EIF4G3: variants seen among roughly 807,000 people sequenced by gnomAD.
The protein encoded by EIF4G3 is eukaryotic translation initiation factor 4 gamma 3.
Under a neutral mutation model 186.4 loss-of-function variants are expected in EIF4G3, and 34 were observed. The ratio of observed to expected loss-of-function variants is 0.18; its 90% CI spans 0.14 to 0.24. EIF4G3 has a LOEUF of 0.24. Among genes scored for constraint, EIF4G3 ranks in the 10% least tolerant of loss-of-function variants. The pLI is 1.00. For missense variants in EIF4G3, 1,536 were observed against 1,948.5 expected, an observed-to-expected ratio of 0.79 and a Z score of 3.99; for synonymous variants, 673 against 679.5, an observed-to-expected ratio of 0.99 and a Z score of 0.15.
Position 20,844,490 on chromosome 1 carries a change from T to C in EIF4G3, c.3889-3462A>G, listed in dbSNP as rs543866189. On this transcript the variant is annotated intron_variant, in intron 29 of 36. Transcript: ENST00000602326. ...TTCATGTCCTTTGTCTACTTTTTAGTGTGTGTTTTTTTTTTCTTGTAAATT... is the reference window on the plus strand; with the variant it reads ...TTCATGTCCTTTGTCTACTTTTTAGCGTGTGTTTTTTTTTTCTTGTAAATT... Among the ~76,000 whole-genome samples the C allele has an allele frequency of 3.9e-5, 6 of 152,222 alleles. No individual in the cohort carries two copies. The South Asian group carries it at 1.0e-3, about 26-fold the overall frequency.
At chr1:21,155,811 A>G (rs774636224) in intron 2 of EIF4G3, among the ~76,000 whole-genome samples, 5 of 152,190 alleles carry the variant, frequency 3.3e-5, no homozygotes, top group Non-Finnish European at 7.3e-5. Flanking sequence ...GCCCTTTAAG[A>G]ACTAATTTTA....
rs377351024 is a variant in EIF4G3 at position 21,121,546 on chromosome 1, G to A, written c.-271-32333C>T. ...TCCCAGCACTTTGGGAGGCCAAGGC[G>A]GGCAGATCACATGAGGTCAGGAGTT... On this transcript the variant is annotated intron_variant, in intron 2 of 36. Transcript: ENST00000602326. Among the ~76,000 whole-genome samples, 6 of 152,146 alleles carry A rather than the reference G, an allele frequency of 3.9e-5. No individual in the cohort carries two copies. In the South Asian group the frequency reaches 6.2e-4, roughly 16 times the overall value.
At chr1:20,989,791 T>C (rs945159687) in intron 7 of EIF4G3, among the ~76,000 whole-genome samples, 1 of 152,180 alleles carries the variant, frequency 6.6e-6, no homozygotes, top group Non-Finnish European at 1.5e-5. Context: ...GCAGCAGAGT[T>C]TGAGATTGAC....
chr1:20,832,149 G>GT (rs1449502552), intron 30 of EIF4G3, among the ~76,000 whole-genome samples: 13 of 146,192 alleles, frequency 8.9e-5, no homozygotes, highest in African/African-American at 2.0e-4. Context: ...GGGTCAAATG[G>GT]TATTTCCAGT....
intron 2 of EIF4G3, among the ~76,000 whole-genome samples, chr1:21,106,687 T>C (rs917871961): frequency 6.6e-6 from 1 of 151,398 alleles, no homozygotes; most frequent in Non-Finnish European, 1.5e-5. Context: ...AGATACAAAT[T>C]TGAAAGTAAT....
intron 3 of EIF4G3, among the ~76,000 whole-genome samples, chr1:21,085,612 G>T (rs931953509): frequency 6.6e-6 from 1 of 152,078 alleles, no homozygotes; most frequent in Admixed American, 6.6e-5. Context: ...GCACAGGCTG[G>T]TATCAAACTA....
intron 2 of EIF4G3, among the ~76,000 whole-genome samples, chr1:21,168,376 C>T (rs2103034026): frequency 6.6e-6 from 1 of 152,114 alleles, no homozygotes; most frequent in African/African-American, 2.4e-5. Context: ...TGCACTCCAG[C>T]CTGGGTGACA....
At chr1:20,977,789 T>G (rs1249296325) in intron 10 of EIF4G3, among the ~76,000 whole-genome samples, 1 of 152,214 alleles carries the variant, frequency 6.6e-6, no homozygotes. Flanking sequence ...TATTGTACAT[T>G]CAAATCTGCA....
At chr1:20,886,786 A>G (rs564335529) in intron 18 of EIF4G3, among the ~76,000 whole-genome samples, 1 of 152,222 alleles carries the variant, frequency 6.6e-6, no homozygotes, top group Non-Finnish European at 1.5e-5. Context: ...TGCAAATTTA[A>G]TATCATCACT....
intron 36 of EIF4G3, among the ~76,000 whole-genome samples, chr1:20,809,869 C>T (rs2058882223): frequency 6.6e-6 from 1 of 152,214 alleles, no homozygotes; most frequent in Non-Finnish European, 1.5e-5. Context: ...TATATACTAC[C>T]ATCACTGTGG....
intron 13 of EIF4G3, among the ~76,000 whole-genome samples, chr1:20,949,032 T>C (rs969976078): frequency 6.7e-6 from 1 of 148,278 alleles, no homozygotes; most frequent in Non-Finnish European, 1.5e-5. Context: ...TATAGAGCTA[T>C]AGAATAAACA....
chr1:21,130,613 T>C (rs1031527797), intron 2 of EIF4G3, among the ~76,000 whole-genome samples: 11 of 152,254 alleles, frequency 7.2e-5, no homozygotes, highest in African/African-American at 2.6e-4. Context: ...TCTCAGTCTC[T>C]ACTGTTCTTC....
intron 14 of EIF4G3, among the ~76,000 whole-genome samples, chr1:20,919,720 G>A (rs2094316011): frequency 6.6e-6 from 1 of 152,180 alleles, no homozygotes; most frequent in East Asian, 1.9e-4. Flanking sequence ...CCTATGATCT[G>A]GCATGTTTCT....
In EIF4G3 at chr1:20,974,653, T is replaced by C. The variant is rs6426653; in HGVS notation, c.494-1554A>G. Among the ~76,000 whole-genome samples the C allele has an allele frequency of 4.3e-3, 661 of 152,264 alleles. 7 individuals carry two copies. Among genetic ancestry groups the C allele is most frequent in the African/African-American group, 0.015 (643 of 41,546 alleles). On this transcript the variant is annotated intron_variant, in intron 10 of 36. Coordinates refer to ENST00000602326, the MANE Select transcript of EIF4G3 (RefSeq NM_001391906.1). ...AAAAGCAGAAAAATTGAGCTATAGC[T>C]GGACAAAAATATGGAATCAGAAAAA...
At chr1:20,949,089 G>T (rs771384832) in intron 13 of EIF4G3, among the ~76,000 whole-genome samples, 1 of 151,988 alleles carries the variant, frequency 6.6e-6, no homozygotes, top group Admixed American at 6.6e-5. Flanking sequence ...AAGGTACATG[G>T]CTTCCATATT....
intron 25 of EIF4G3, among the ~76,000 whole-genome samples, chr1:20,856,572 T>G (rs2074961391): frequency 6.6e-6 from 1 of 152,204 alleles, no homozygotes; most frequent in Admixed American, 6.5e-5. Context: ...AGTTTTTTCC[T>G]CTTACTGCCC....
At chr1:20,997,262 T>G (rs890810284) in intron 7 of EIF4G3, among the ~76,000 whole-genome samples, 6 of 152,128 alleles carry the variant, frequency 3.9e-5, no homozygotes. Flanking sequence ...GCCTGCTTCA[T>G]TCAGTTAAAT....
chr1:20,935,403 C>T (rs1460121351), intron 14 of EIF4G3, among the ~76,000 whole-genome samples: 1 of 151,950 alleles, frequency 6.6e-6, no homozygotes, highest in African/African-American at 2.4e-5. Context: ...TATTTTAATA[C>T]AGTAATAGAA....
chr1:20,844,548 AC>A (rs1481189136), intron 29 of EIF4G3, among the ~76,000 whole-genome samples: 2 of 151,308 alleles, frequency 1.3e-5, no homozygotes, highest in African/African-American at 2.4e-5. Flanking sequence ...TGCACATAAG[AC>A]CTTTGTCGGG....
Sources: gnomAD v4.1 joint callset for allele counts (sites outside exome capture counted in the v4.1 genomes callset) on GRCh38, gnomAD v4.1.1 for gene constraint, MANE v1.5 for transcripts, NCBI Gene and HGNC (gene_info 2026-07-23, HGNC 2026-07-21) for gene names.